MAN2A1: variants seen among roughly 807,000 people sequenced by gnomAD.
MAN2A1 encodes alpha-mannosidase 2.
A neutral mutation model predicts 142.6 loss-of-function variants in MAN2A1; 76 were observed. The ratio of observed to expected loss-of-function variants is 0.53; its 90% CI spans 0.44 to 0.65. The LOEUF (loss-of-function observed/expected upper bound fraction) is 0.65, where lower values mean the gene tolerates loss of function less well. Ranked by LOEUF, MAN2A1 falls within the 30% of genes least tolerant of loss-of-function variation. The probability of loss-of-function intolerance (pLI) is 0.00; values close to 1 mark genes in which losing one functional copy is unlikely to be tolerated. For synonymous variants in MAN2A1, 559 were observed against 473.2 expected (o/e 1.18, Z -2.35); for missense variants, 1,311 against 1,365.1 (o/e 0.96, Z 0.62).
chr5:109,746,628 A>G (rs1752414693), intron 4 of MAN2A1, among the ~76,000 whole-genome samples: 2 of 150,562 alleles, frequency 1.3e-5, no homozygotes, highest in South Asian at 2.1e-4. Flanking sequence ...TAAGCATAAC[A>G]TAAAATTTAC....
intron 4 of MAN2A1, among the ~76,000 whole-genome samples, chr5:109,742,422 A>C (rs1483684639): frequency 6.6e-6 from 1 of 152,132 alleles, no homozygotes; most frequent in East Asian, 1.9e-4. Flanking sequence ...CTCTTTATTT[A>C]TATAATCTTT....
Position 109,788,926 on chromosome 5 carries a change from AT to A in MAN2A1, c.1761-5del. 7.4e-7 allele frequency: 1 copy of A among 1,358,658 alleles called. No homozygotes were observed. Among genetic ancestry groups the A allele is most frequent in the African/African-American group, 1.4e-5 (1 of 69,232 alleles). 84.2% of individuals were successfully genotyped at this position (1,358,658 alleles called of 1,614,324 possible). On this transcript the variant is annotated splice_region_variant and splice_polypyrimidine_tract_variant and intron_variant, in intron 10 of 21. Coordinates refer to ENST00000261483, the MANE Select transcript of MAN2A1 (RefSeq NM_002372.4). ...GTTTCTCAGACTAATAAAATTTTTG[AT>A]TTACAGACTTTTTCATTCGTTAATG...
chr5:109,756,006 A>G (rs1388462157), intron 5 of MAN2A1, among the ~76,000 whole-genome samples: 1 of 151,422 alleles, frequency 6.6e-6, no homozygotes, highest in Non-Finnish European at 1.5e-5. Context: ...TCTCTTTAAT[A>G]CTTTATCTAG....
At chr5:109,696,154 G>A (rs1306610873) in intron 1 of MAN2A1, among the ~76,000 whole-genome samples, 2 of 151,830 alleles carry the variant, frequency 1.3e-5, no homozygotes, top group African/African-American at 2.4e-5. Context: ...AGACTGGAGT[G>A]CAGTGGTGCA....
At chr5:109,840,349 A>G (rs1755168107) in intron 16 of MAN2A1, 1 of 352,764 alleles carries the variant, frequency 2.8e-6, no homozygotes, top group Non-Finnish European at 5.7e-6. Flanking sequence ...ATTTTGGAAA[A>G]GGGAGTATTT....
chr5:109,827,473 C>T (rs1159616309), intron 16 of MAN2A1, among the ~76,000 whole-genome samples: 1 of 152,138 alleles, frequency 6.6e-6, no homozygotes, highest in African/African-American at 2.4e-5. Context: ...AAATCAAGAA[C>T]GACAAGCAAC....
intron 4 of MAN2A1, among the ~76,000 whole-genome samples, chr5:109,732,963 A>G (rs1297879640): frequency 6.6e-6 from 1 of 152,080 alleles, no homozygotes; most frequent in South Asian, 2.1e-4. Context: ...CAGTATGGCC[A>G]TTTTCACAAT....
intron 3 of MAN2A1, 47 bp from the exon 4 acceptor site, chr5:109,729,295 C>T: frequency 8.1e-7 from 1 of 1,239,622 alleles, no homozygotes; most frequent in Non-Finnish European, 1.1e-6. Flanking sequence ...GAGTTGAAAT[C>T]AGCCATACGA....
At chr5:109,762,169 T>A (rs973845231) in intron 5 of MAN2A1, among the ~76,000 whole-genome samples, 1 of 152,186 alleles carries the variant, frequency 6.6e-6, no homozygotes, top group African/African-American at 2.4e-5. Context: ...AACAAATTTA[T>A]TAGAGATAGT....
chr5:109,716,699 A>T (rs983171142), intron 3 of MAN2A1, among the ~76,000 whole-genome samples: 3 of 152,188 alleles, frequency 2.0e-5, no homozygotes, highest in African/African-American at 7.2e-5. Context: ...CTTGGTGTTG[A>T]TTGGTTTCAG....
intron 4 of MAN2A1, among the ~76,000 whole-genome samples, chr5:109,739,251 T>C (rs1752197635): frequency 6.6e-6 from 1 of 152,196 alleles, no homozygotes; most frequent in African/African-American, 2.4e-5. Context: ...CTTACTTTAT[T>C]TATGAAATTT....
intron 19 of MAN2A1, among the ~76,000 whole-genome samples, chr5:109,850,704 A>C (rs963971146): frequency 6.6e-6 from 1 of 152,214 alleles, no homozygotes; most frequent in African/African-American, 2.4e-5. Context: ...CAATAATAAA[A>C]ATTTTCACAT....
At chr5:109,864,653 C>A in intron 20 of MAN2A1, 1 of 163,864 alleles carries the variant, frequency 6.1e-6, no homozygotes. Flanking sequence ...GGACTAAGTT[C>A]AGGTGCAGTT....
At chr5:109,746,583 T>C (rs1407582463) in intron 4 of MAN2A1, among the ~76,000 whole-genome samples, 1 of 151,878 alleles carries the variant, frequency 6.6e-6, no homozygotes, top group African/African-American at 2.4e-5. Context: ...TTTTTTTTTT[T>C]TTTTTTTGAG....
At chr5:109,776,550 A>C (rs1209176916) in intron 8 of MAN2A1, among the ~76,000 whole-genome samples, 1 of 152,104 alleles carries the variant, frequency 6.6e-6, no homozygotes, top group African/African-American at 2.4e-5. Context: ...TTAGACCCTG[A>C]TTTTAGTATT....
chr5:109,751,206 CT>C (rs879862344), intron 4 of MAN2A1, among the ~76,000 whole-genome samples: 550 of 145,354 alleles, frequency 3.8e-3, no homozygotes, highest in Non-Finnish European at 4.3e-3. Context: ...GTGAGATCAA[CT>C]TTTTTTTTTT....
chr5:109,693,339 A>T (rs1223711395), intron 1 of MAN2A1, among the ~76,000 whole-genome samples: 1 of 151,804 alleles, frequency 6.6e-6, no homozygotes, highest in Non-Finnish European at 1.5e-5. Flanking sequence ...AGGAGGTTGC[A>T]ATACATTTGT....
intron 12 of MAN2A1, among the ~76,000 whole-genome samples, chr5:109,807,633 A>G (rs1754202146): frequency 6.6e-6 from 1 of 152,046 alleles, no homozygotes; most frequent in Non-Finnish European, 1.5e-5. Context: ...CGTCCCTCTA[A>G]TAAGGACCCT....
At chr5:109,713,417 G>T in intron 1 of MAN2A1, 103 bp from the exon 2 acceptor site, 1 of 937,136 alleles carries the variant, frequency 1.1e-6, no homozygotes, top group Non-Finnish European at 1.5e-6. Context: ...AGGGTGAGTG[G>T]CTGCCCTCGT....
Sources: allele counts gnomAD v4.1 joint callset (sites outside exome capture counted in the v4.1 genomes callset), GRCh38; gene constraint gnomAD v4.1.1; transcripts MANE v1.5; gene names NCBI Gene and HGNC (gene_info 2026-07-23, HGNC 2026-07-21).